SYNDIG1L: variants seen among roughly 807,000 people sequenced by gnomAD.
SYNDIG1L encodes synapse differentiation inducing 1 like, also known as synapse differentiation-inducing gene protein 1-like.
A neutral mutation model predicts 20.1 loss-of-function variants in SYNDIG1L; 13 were observed. The observed-to-expected ratio is 0.65, with a 90% CI of 0.42 to 1.03. The LOEUF is 1.03. Ranked by LOEUF, SYNDIG1L falls within the 50% of genes least tolerant of loss-of-function variation. The probability of loss-of-function intolerance (pLI) is 0.00; values close to 1 mark genes in which losing one functional copy is unlikely to be tolerated. For synonymous variants in SYNDIG1L, 128 were observed against 129.3 expected (o/e 0.99, Z 0.07); for missense variants, 294 against 305.1 (o/e 0.96, Z 0.27).
chr14:74,439,114 CAA>C, the SYNDIG1L span, among the ~76,000 whole-genome samples: 1,746 of 65,084 alleles, frequency 0.027, 35 homozygotes, highest in African/African-American at 0.086. Flanking sequence ...AACTCTGTCT[CAA>C]AAAAAAAAAA....
At chr14:74,423,675 T>C (rs1312331387) in intron 1 of SYNDIG1L, among the ~76,000 whole-genome samples, 4 of 116,336 alleles carry the variant, frequency 3.4e-5, no homozygotes, top group Non-Finnish European at 7.1e-5. Context: ...GAGAAACTCA[T>C]TTTGATTGAT....
chr14:74,446,516 C>T, the SYNDIG1L span, among the ~76,000 whole-genome samples: 3 of 151,930 alleles, frequency 2.0e-5, no homozygotes, highest in Non-Finnish European at 4.4e-5. Context: ...AATTAATCCA[C>T]ACGTTGTTTA....
the SYNDIG1L span, among the ~76,000 whole-genome samples, chr14:74,456,126 G>T: frequency 6.6e-6 from 1 of 152,186 alleles, no homozygotes; most frequent in Non-Finnish European, 1.5e-5. Context: ...TGAGGGCCTG[G>T]CTTCTTGTCC....
chr14:74,449,438 CAAAAAA>C, the SYNDIG1L span, among the ~76,000 whole-genome samples: 122 of 34,000 alleles, frequency 3.6e-3, no homozygotes, highest in African/African-American at 0.012. Context: ...CCTGTCTTTA[CAAAAAA>C]AAAAAAAAAA....
At chr14:74,417,626 C>T (rs2086186833) in intron 1 of SYNDIG1L, among the ~76,000 whole-genome samples, 1 of 116,610 alleles carries the variant, frequency 8.6e-6, no homozygotes, top group South Asian at 3.0e-4. Flanking sequence ...CAGAACTTGC[C>T]CAAGATTAAA....
At chr14:74,451,369 T>C in the SYNDIG1L span, among the ~76,000 whole-genome samples, 3 of 152,172 alleles carry the variant, frequency 2.0e-5, no homozygotes, top group East Asian at 5.8e-4. Flanking sequence ...ATTTGTAAAA[T>C]AAAGACATAC....
rs577348642 is a variant in SYNDIG1L, at chr14:74,418,032, G to C, written c.-58+7880C>G. ...AGATAAAAACCAGAACTTCCTAATC[G>C]GGCAGAAGATTAAATGTAAATTATT... is the stretch of plus-strand genomic sequence containing the variant. On this transcript the variant is annotated intron_variant, in intron 1 of 3. Transcript: ENST00000331628. Among the ~76,000 whole-genome samples the C allele has an allele frequency of 9.7e-4, 147 of 152,238 alleles. 1 individual carries two copies. The highest frequency in any genetic ancestry group is 1.9e-3 in the Non-Finnish European group (129 of 68,024).
chr14:74,409,848 G>A (rs1307768909), intron 1 of SYNDIG1L, 47 bp from the exon 2 acceptor site: 6 of 1,302,144 alleles, frequency 4.6e-6, no homozygotes, highest in African/African-American at 3.0e-5. Flanking sequence ...GGGCACTGGA[G>A]GCAGGACCTA....
the SYNDIG1L span, among the ~76,000 whole-genome samples, chr14:74,457,677 G>A: frequency 1.3e-5 from 2 of 151,914 alleles, no homozygotes; most frequent in South Asian, 2.1e-4. Flanking sequence ...CCTATAGAAG[G>A]GGGGCAGCAA....
chr14:74,423,054 C>A (rs552757013), intron 1 of SYNDIG1L, among the ~76,000 whole-genome samples: 1 of 152,220 alleles, frequency 6.6e-6, no homozygotes, highest in African/African-American at 2.4e-5. Context: ...CAGCAGCCCC[C>A]CCGCCCCCAA....
At chr14:74,431,929 T>G in the SYNDIG1L span, among the ~76,000 whole-genome samples, 1 of 152,164 alleles carries the variant, frequency 6.6e-6, no homozygotes, top group Non-Finnish European at 1.5e-5. Context: ...TTTTGAAGAT[T>G]GCAGCCTAAT....
the SYNDIG1L span, among the ~76,000 whole-genome samples, chr14:74,451,401 T>C: frequency 1.3e-5 from 2 of 152,258 alleles, no homozygotes; most frequent in African/African-American, 2.4e-5. Flanking sequence ...CCATACCTTA[T>C]ACTTTATATA....
rs568532966 is a variant in SYNDIG1L, at chr14:74,407,616, G to A, written c.636C>T (p.Leu212=). The part of the protein sequence containing the change: ...TSRRALFLAT[L]AIAVGAGLYV... ...AGAGACCGGCCCCCACGGCGATGGCGAGTGTGGCTAGGAAGAGGGCCCGGC... is the reference window on the plus strand; with the variant it reads ...AGAGACCGGCCCCCACGGCGATGGCAAGTGTGGCTAGGAAGAGGGCCCGGC... The change falls in exon 4 of 4, where the codon CTC becomes CTT. Residue 212 remains leucine, a synonymous_variant. Coordinates refer to ENST00000331628, the MANE Select transcript of SYNDIG1L (RefSeq NM_001105579.2). 4 of 1,614,036 alleles carry A rather than the reference G, an allele frequency of 2.5e-6. No homozygotes were observed. Among genetic ancestry groups the A allele is most frequent in the African/African-American group, 1.3e-5 (1 of 75,058 alleles).
the SYNDIG1L span, among the ~76,000 whole-genome samples, chr14:74,460,124 C>G: frequency 1.3e-5 from 2 of 152,104 alleles, no homozygotes; most frequent in African/African-American, 2.4e-5. Flanking sequence ...TGGAAGCTGC[C>G]CTTTCCTCTC....
the SYNDIG1L span, among the ~76,000 whole-genome samples, chr14:74,438,977 G>A: frequency 2.0e-5 from 3 of 152,150 alleles, no homozygotes; most frequent in Non-Finnish European, 2.9e-5. Flanking sequence ...AGTCAGGCGT[G>A]GTGGCACGTG....
the SYNDIG1L span, among the ~76,000 whole-genome samples, chr14:74,462,584 C>A: frequency 6.6e-6 from 1 of 151,582 alleles, no homozygotes; most frequent in East Asian, 2.0e-4. Context: ...TGGCTCACTG[C>A]AGCCCTGAAC....
chr14:74,446,171 A>G, the SYNDIG1L span, among the ~76,000 whole-genome samples: 3 of 152,236 alleles, frequency 2.0e-5, no homozygotes, highest in Non-Finnish European at 4.4e-5. Flanking sequence ...AAAGTTGGCT[A>G]TCACCCTGAA....
At chr14:74,474,478 C>G in the SYNDIG1L span, 16 of 152,254 alleles carry the variant, frequency 1.1e-4, no homozygotes, top group African/African-American at 3.9e-4. Flanking sequence ...GCCGGGTCTG[C>G]TTTCTCTCTT....
the SYNDIG1L span, among the ~76,000 whole-genome samples, chr14:74,466,889 G>A: frequency 1.3e-5 from 2 of 152,288 alleles, no homozygotes; most frequent in Admixed American, 6.5e-5. Flanking sequence ...CTCCAGGGGC[G>A]ACACCAGAAT....
Sources: gnomAD v4.1 joint callset for allele counts (sites outside exome capture counted in the v4.1 genomes callset) on GRCh38, gnomAD v4.1.1 for gene constraint, MANE v1.5 for transcripts, NCBI Gene and HGNC (gene_info 2026-07-23, HGNC 2026-07-21) for gene names.